PRKACB: variants seen among roughly 807,000 people sequenced by gnomAD.
PRKACB encodes cAMP-dependent protein kinase catalytic subunit beta.
PRKACB carries 16 observed loss-of-function variants against 51.4 expected under a neutral mutation model. That is an observed-to-expected ratio of 0.31 (90% CI 0.21 to 0.47). The LOEUF (loss-of-function observed/expected upper bound fraction) is 0.47. Ranked by LOEUF, PRKACB falls within the 20% of genes least tolerant of loss-of-function variation. PRKACB has a pLI of 1.00. For missense variants in PRKACB, 309 were observed against 464.5 expected (o/e 0.67, Z 3.08); for synonymous variants, 147 against 154.4 (o/e 0.95, Z 0.35).
At chr1:84,116,795 C>G (rs1395653581) in intron 1 of PRKACB, among the ~76,000 whole-genome samples, 2 of 152,062 alleles carry the variant, frequency 1.3e-5, no homozygotes, top group Middle Eastern at 3.2e-3. Flanking sequence ...TCTCCAATTT[C>G]GATGCCTTTT....
At chr1:84,138,564 A>G (rs893550294) in intron 1 of PRKACB, among the ~76,000 whole-genome samples, 11 of 152,188 alleles carry the variant, frequency 7.2e-5, no homozygotes, top group African/African-American at 2.7e-4. Flanking sequence ...ACGAAAAACA[A>G]AACACTGTCC....
At chr1:84,151,938 G>T (rs1654902511) in intron 1 of PRKACB, among the ~76,000 whole-genome samples, 1 of 152,130 alleles carries the variant, frequency 6.6e-6, no homozygotes, top group Non-Finnish European at 1.5e-5. Flanking sequence ...TGTTCTTACG[G>T]CATCTGGAAT....
chr1:84,160,532 A>G (rs964290383), intron 1 of PRKACB, among the ~76,000 whole-genome samples: 1 of 147,618 alleles, frequency 6.8e-6, no homozygotes, highest in Non-Finnish European at 1.5e-5. Flanking sequence ...CTGCTTTTCT[A>G]TATATTTTAC....
chr1:84,167,561 AT>A (rs1296263417), intron 1 of PRKACB, among the ~76,000 whole-genome samples: 11 of 151,656 alleles, frequency 7.3e-5, no homozygotes, highest in Non-Finnish European at 1.5e-4. Context: ...TATTGAAATT[AT>A]AAATTTGTAT....
chr1:84,214,593 A>G (rs891834894), intron 9 of PRKACB, among the ~76,000 whole-genome samples: 1 of 151,468 alleles, frequency 6.6e-6, no homozygotes, highest in African/African-American at 2.4e-5. Context: ...CCTCAGTTCA[A>G]GTGATTCTCC....
At chr1:84,154,584 A>G (rs1290113456) in intron 1 of PRKACB, among the ~76,000 whole-genome samples, 1 of 152,166 alleles carries the variant, frequency 6.6e-6, no homozygotes, top group Non-Finnish European at 1.5e-5. Context: ...CATTGCTCTG[A>G]TACCAAAGCC....
Position 84,214,379 on chromosome 1 carries a change from G to A in PRKACB, c.1071+62G>A, listed in dbSNP as rs901056955. ...AGTTGGTGTTTAAATTATATGTGGT[G>A]GAGATATTTTCAACTTAACACATAG... is the stretch of plus-strand genomic sequence containing the variant. On this transcript the variant is annotated intron_variant, in intron 9 of 9. Coordinates refer to ENST00000370685, the MANE Select transcript of PRKACB (RefSeq NM_182948.4). 22 of 1,396,312 alleles carry A rather than the reference G, an allele frequency of 1.6e-5. No homozygotes were observed. The African/African-American group carries it at 2.1e-4, about 13-fold the overall frequency. 86.5% of individuals were successfully genotyped at this position (1,396,312 alleles called of 1,614,324 possible).
intron 9 of PRKACB, among the ~76,000 whole-genome samples, chr1:84,218,855 T>G (rs531117915): frequency 2.8e-4 from 42 of 152,352 alleles, no homozygotes; most frequent in African/African-American, 9.6e-4. Context: ...CGATGATATC[T>G]CACTGTGGTT....
chr1:84,164,559 T>C lies in PRKACB; in HGVS notation c.188-14618T>C, dbSNP rs1317569618. On this transcript the variant is annotated intron_variant, in intron 1 of 9. Coordinates refer to ENST00000370685, the MANE Select transcript of PRKACB (RefSeq NM_182948.4). ...ATAAAAAGGTATTTTATTTGTCTGG[T>C]GGATTAAAGCTTTAGAAAAGCTACG... 5.6e-6 allele frequency: 8 copies of C among 1,416,576 alleles called. No individual in the cohort carries two copies. In the African/African-American group the frequency reaches 1.0e-4, roughly 18 times the overall value. 87.8% of individuals were successfully genotyped at this position (1,416,576 alleles called of 1,614,324 possible).
chr1:84,098,945 G>A (rs1649133949), intron 1 of PRKACB, among the ~76,000 whole-genome samples: 1 of 152,122 alleles, frequency 6.6e-6, no homozygotes, highest in African/African-American at 2.4e-5. Context: ...TTTAAAGATT[G>A]TTGAAGTTGA....
Position 84,102,674 on chromosome 1 carries a change from G to T in PRKACB, c.46+24303G>T, listed in dbSNP as rs142998632. 7.6e-4 allele frequency among the ~76,000 whole-genome samples: 115 copies of T among 152,278 alleles called. 2 individuals are homozygous for T. The highest frequency in any genetic ancestry group is 2.1e-4 in the Non-Finnish European group (14 of 68,024). ...AGAGATAATTAATAAGGAAAAAAGT[G>T]TACGGGCCCTCACCTACTGTGGAAA... On this transcript the variant is annotated intron_variant, in intron 1 of 8. Transcript: ENST00000370688.
chr1:84,099,629 A>G (rs1649183407), intron 1 of PRKACB, among the ~76,000 whole-genome samples: 7 of 152,126 alleles, frequency 4.6e-5, no homozygotes, highest in Admixed American at 4.6e-4. Flanking sequence ...TTACCTGGGC[A>G]CTTAATATTA....
intron 1 of PRKACB, among the ~76,000 whole-genome samples, chr1:84,150,795 C>T (rs1467459655): frequency 6.6e-6 from 1 of 152,068 alleles, no homozygotes; most frequent in Non-Finnish European, 1.5e-5. Context: ...ATAAATTATT[C>T]TGCCTTAGGT....
At chr1:84,085,216 T>C (rs1647870194) in intron 1 of PRKACB, among the ~76,000 whole-genome samples, 1 of 152,202 alleles carries the variant, frequency 6.6e-6, no homozygotes, top group African/African-American at 2.4e-5. Flanking sequence ...GGAAAGAACA[T>C]GTAAAATATA....
At chr1:84,225,644 A>G (rs11163916) in intron 9 of PRKACB, among the ~76,000 whole-genome samples, 4,825 of 151,704 alleles carry the variant, frequency 0.032, 268 homozygotes, top group African/African-American at 0.11. Flanking sequence ...CCTGGAACAA[A>G]CTCCCTCTCT....
intron 1 of PRKACB, among the ~76,000 whole-genome samples, chr1:84,082,504 T>TG (rs1647621995): frequency 6.6e-6 from 1 of 152,206 alleles, no homozygotes; most frequent in Non-Finnish European, 1.5e-5. Flanking sequence ...TACTTATATT[T>TG]ATTTTTTCCC....
chr1:84,110,287 GTAT>G lies in PRKACB; in HGVS notation c.46+31920_46+31922del, dbSNP rs200324799. ...TTACATAGCATTTACAGTGTATTAG[GTAT>G]TATAAATAATCTAGAGATGATTTAA... On this transcript the variant is annotated intron_variant, in intron 1 of 8. Coordinates refer to the PRKACB transcript ENST00000370688. 5.3e-3 allele frequency among the ~76,000 whole-genome samples: 800 copies of G among 151,852 alleles called. 6 individuals carry two copies. The highest frequency in any genetic ancestry group is 8.6e-3 in the Non-Finnish European group (584 of 67,830).
intron 1 of PRKACB, among the ~76,000 whole-genome samples, chr1:84,153,235 G>T (rs1403411047): frequency 6.6e-6 from 1 of 151,990 alleles, no homozygotes; most frequent in Non-Finnish European, 1.5e-5. Flanking sequence ...TCTGAACACA[G>T]ATCGCCATAA....
At chr1:84,216,920 C>T (rs2101597707) in intron 9 of PRKACB, among the ~76,000 whole-genome samples, 1 of 152,252 alleles carries the variant, frequency 6.6e-6, no homozygotes, top group African/African-American at 2.4e-5. Context: ...ACAAGATTTT[C>T]ATGAATTTTA....
Sources: allele counts gnomAD v4.1 joint callset (sites outside exome capture counted in the v4.1 genomes callset), GRCh38; gene constraint gnomAD v4.1.1; transcripts MANE v1.5; gene names NCBI Gene and HGNC (gene_info 2026-07-23, HGNC 2026-07-21).